The following NRG3 variants were observed in gnomAD, a reference collection of about 807,000 sequenced individuals.
NRG3 encodes pro-neuregulin-3, membrane-bound isoform.
Under a neutral mutation model 66.9 loss-of-function variants are expected in NRG3, and 31 were observed. The observed-to-expected ratio is 0.46, with a 90% CI of 0.35 to 0.63. The LOEUF is 0.63. Ranked by LOEUF, NRG3 falls within the 20% of genes least tolerant of loss-of-function variation. The pLI is 0.00. For missense variants in NRG3, 910 were observed against 878.9 expected, an observed-to-expected ratio of 1.04 and a Z score of -0.45; for synonymous variants, 393 against 359.4, an observed-to-expected ratio of 1.09 and a Z score of -1.06.
chr10:82,180,902 G>A (rs530290530), intron 1 of NRG3, among the ~76,000 whole-genome samples: 2 of 151,800 alleles, frequency 1.3e-5, no homozygotes, highest in East Asian at 1.9e-4. Flanking sequence ...ATAGTTTTTT[G>A]TTGTTGTTTT....
intron 1 of NRG3, among the ~76,000 whole-genome samples, chr10:82,338,008 A>G (rs1274181410): frequency 6.6e-6 from 1 of 152,230 alleles, no homozygotes; most frequent in Non-Finnish European, 1.5e-5. Flanking sequence ...CCTTTGTCCC[A>G]TGTACATATG....
At chr10:82,964,284 G>A (rs1252840356) in intron 6 of NRG3, among the ~76,000 whole-genome samples, 1 of 152,090 alleles carries the variant, frequency 6.6e-6, no homozygotes, top group Non-Finnish European at 1.5e-5. Context: ...CTGTGCCAAG[G>A]CCTACAGGAA....
intron 2 of NRG3, among the ~76,000 whole-genome samples, chr10:82,577,592 A>G (rs1180525435): frequency 3.3e-5 from 5 of 151,726 alleles, no homozygotes; most frequent in African/African-American, 1.2e-4. Context: ...TTTAAGAGAA[A>G]ATAATCCCAT....
At chr10:82,198,607 G>T (rs11192955) in intron 1 of NRG3, among the ~76,000 whole-genome samples, 4,056 of 152,234 alleles carry the variant, frequency 0.027, 173 homozygotes, top group East Asian at 0.14. Context: ...AAAAAGTGTT[G>T]TTTCATTCAT....
At chr10:82,539,822 C>T (rs558610086) in intron 2 of NRG3, among the ~76,000 whole-genome samples, 33 of 152,116 alleles carry the variant, frequency 2.2e-4, no homozygotes, top group African/African-American at 8.0e-4. Context: ...TTAGTAGAGA[C>T]AGGGTTTCAC....
At chr10:82,637,774 G>A (rs2050296404) in intron 2 of NRG3, among the ~76,000 whole-genome samples, 1 of 152,140 alleles carries the variant, frequency 6.6e-6, no homozygotes, top group Non-Finnish European at 1.5e-5. Context: ...TTGTCACAAA[G>A]GCCATTATTG....
chr10:82,656,249 A>G (rs1324215961), intron 2 of NRG3, among the ~76,000 whole-genome samples: 1 of 151,262 alleles, frequency 6.6e-6, no homozygotes, highest in Admixed American at 6.6e-5. Context: ...CATAATCCCT[A>G]TCACTTATAT....
intron 2 of NRG3, among the ~76,000 whole-genome samples, chr10:82,388,323 A>G (rs2086140743): frequency 6.6e-6 from 1 of 152,170 alleles, no homozygotes; most frequent in African/African-American, 2.4e-5. Context: ...AAATGTAACT[A>G]TTTACGTAAA....
At chr10:81,940,575 A>G (rs1848322903) in intron 1 of NRG3, among the ~76,000 whole-genome samples, 1 of 151,874 alleles carries the variant, frequency 6.6e-6, no homozygotes, top group Non-Finnish European at 1.5e-5. Context: ...GCAGGCTCCT[A>G]GTCTTGAACT....
chr10:82,020,333 C>G (rs984687985), intron 1 of NRG3, among the ~76,000 whole-genome samples: 2 of 152,086 alleles, frequency 1.3e-5, no homozygotes, highest in African/African-American at 4.8e-5. Context: ...TGAAGAGTCT[C>G]ACTATTCTTT....
intron 2 of NRG3, among the ~76,000 whole-genome samples, chr10:82,705,506 C>T (rs1565221634): frequency 2.0e-5 from 3 of 152,156 alleles, no homozygotes; most frequent in Non-Finnish European, 4.4e-5. Flanking sequence ...GGCCTGTTAC[C>T]TACATTTACC....
At chr10:81,928,455 G>T (rs144183928) in intron 1 of NRG3, among the ~76,000 whole-genome samples, 86 of 152,248 alleles carry the variant, frequency 5.6e-4, no homozygotes, top group African/African-American at 1.9e-3. Context: ...GAAGCCAAGA[G>T]ATATTAAAAC....
chr10:82,006,534 C>T (rs916014263), intron 1 of NRG3, among the ~76,000 whole-genome samples: 1 of 152,018 alleles, frequency 6.6e-6, no homozygotes, highest in Non-Finnish European at 1.5e-5. Flanking sequence ...AATATAGTCT[C>T]TACGTAATAA....
At chr10:82,461,679 AC>A (rs2091522094) in intron 2 of NRG3, among the ~76,000 whole-genome samples, 1 of 152,170 alleles carries the variant, frequency 6.6e-6, no homozygotes, top group African/African-American at 2.4e-5. Context: ...AACAAGGAGA[AC>A]TTTTACTCTA....
At chr10:82,906,117 C>T (rs144621677) in intron 4 of NRG3, among the ~76,000 whole-genome samples, 36 of 152,312 alleles carry the variant, frequency 2.4e-4, no homozygotes, top group African/African-American at 8.2e-4. Flanking sequence ...CTAGAACTTT[C>T]TGACTCCACT....
chr10:82,656,072 C>T (rs975298727), intron 2 of NRG3, among the ~76,000 whole-genome samples: 1 of 152,116 alleles, frequency 6.6e-6, no homozygotes, highest in African/African-American at 2.4e-5. Flanking sequence ...AACTGTTTGC[C>T]TCTGGGGAGA....
intron 4 of NRG3, among the ~76,000 whole-genome samples, chr10:82,950,906 A>T (rs990335726): frequency 2.6e-5 from 4 of 152,234 alleles, no homozygotes; most frequent in East Asian, 1.9e-4. Context: ...CTACTGTGCC[A>T]AATCATTGGT....
intron 2 of NRG3, among the ~76,000 whole-genome samples, chr10:82,463,710 A>G (rs1937970): frequency 0.45 from 68,803 of 152,086 alleles, 19,181 homozygotes; most frequent in African/African-American, 0.78. Context: ...TGCAGCTACC[A>G]CATGGCAGAG....
chr10:82,730,109 G>A (rs1431722355), intron 2 of NRG3, among the ~76,000 whole-genome samples: 19 of 139,086 alleles, frequency 1.4e-4, no homozygotes, highest in African/African-American at 5.1e-4. Flanking sequence ...TTTTTGAGAC[G>A]GAGTCTCGCT....
Sources: gnomAD v4.1 joint callset for allele counts (sites outside exome capture counted in the v4.1 genomes callset) on GRCh38, gnomAD v4.1.1 for gene constraint, MANE v1.5 for transcripts, NCBI Gene and HGNC (gene_info 2026-07-23, HGNC 2026-07-21) for gene names.